SHPRH: variants seen among roughly 807,000 people sequenced by gnomAD.
SHPRH encodes the protein SNF2 histone linker PHD RING helicase.
A neutral mutation model predicts 202.5 loss-of-function variants in SHPRH; 106 were observed. That is an observed-to-expected ratio of 0.52 (90% confidence interval 0.45 to 0.62). The LOEUF is 0.62. Among genes scored for constraint, SHPRH ranks in the 20% least tolerant of loss-of-function variants. SHPRH has a pLI of 0.00. For synonymous variants in SHPRH, 729 were observed against 686.0 expected, an observed-to-expected ratio of 1.06 and a Z score of -0.98; for missense variants, 1,710 against 2,020.0, an observed-to-expected ratio of 0.85 and a Z score of 2.94.
chr6:145,951,612 C>T (rs1207891185), intron 3 of SHPRH, among the ~76,000 whole-genome samples: 7 of 151,994 alleles, frequency 4.6e-5, no homozygotes, highest in African/African-American at 1.2e-4. Context: ...CTTCTAATCC[C>T]GAAACCAGAG....
intron 25 of SHPRH, chr6:145,909,604 A>G (rs966261040): frequency 1.3e-5 from 2 of 152,126 alleles, no homozygotes; most frequent in African/African-American, 4.8e-5. Flanking sequence ...AAAACACATT[A>G]CTTAAAAGTG....
intron 11 of SHPRH, among the ~76,000 whole-genome samples, chr6:145,940,311 T>C (rs1280810867): frequency 6.6e-6 from 1 of 152,090 alleles, no homozygotes; most frequent in East Asian, 1.9e-4. Flanking sequence ...ATAGTCTCCA[T>C]TTTCATAGAC....
intron 16 of SHPRH, 134 bp from the exon 17 acceptor site, chr6:145,924,980 C>A (rs776491432): frequency 1.3e-5 from 7 of 528,436 alleles, no homozygotes; most frequent in African/African-American, 3.9e-5. Context: ...TCCAAGTATA[C>A]TGTAGAGAAC....
chr6:145,927,354 T>A, intron 14 of SHPRH, 77 bp from the exon 15 acceptor site: 6 of 1,228,472 alleles, frequency 4.9e-6, no homozygotes, highest in Non-Finnish European at 6.9e-6. Context: ...GTCCATTATT[T>A]AAGAATACTG....
At chr6:145,951,316 A>C (rs1182213667) in intron 3 of SHPRH, among the ~76,000 whole-genome samples, 1 of 152,120 alleles carries the variant, frequency 6.6e-6, no homozygotes, top group Non-Finnish European at 1.5e-5. Flanking sequence ...AAAGAGGCCT[A>C]TATACTTTTA....
rs576469930 is a variant in SHPRH at position 145,892,356 on chromosome 6, C to A, written c.4874+859G>T. Among the ~76,000 whole-genome samples the A allele has an allele frequency of 3.9e-5, 6 of 152,244 alleles. No individual in the cohort carries two copies. The South Asian group carries it at 1.2e-3, about 32-fold the overall frequency. ...GTAGGGCCCGAGTGATCATTATCTTCTTTTGTTAACACAGTCCTTTTATTA... is the reference window on the plus strand; with the variant it reads ...GTAGGGCCCGAGTGATCATTATCTTATTTTGTTAACACAGTCCTTTTATTA... On this transcript the variant is annotated intron_variant, in intron 28 of 29. Transcript: ENST00000275233.
At position 145,925,369 on chromosome 6, in the gene SHPRH, C is replaced by CAT. The variant is rs1554235252; in HGVS notation, c.3295-525_3295-524dup. On this transcript the variant is annotated intron_variant, in intron 16 of 29. Transcript: ENST00000275233. ...ACACACACACACACACACACACACA[C>CAT]ATGCATGCAATAAAAATAAAGAGGT... 6.6e-3 allele frequency among the ~76,000 whole-genome samples: 981 copies of CAT among 149,066 alleles called. 7 individuals carry two copies. Among genetic ancestry groups the CAT allele is most frequent in the Non-Finnish European group, 9.2e-3 (620 of 67,630 alleles).
intron 24 of SHPRH, among the ~76,000 whole-genome samples, chr6:145,912,083 GAGA>G (rs1240257594): frequency 6.6e-6 from 1 of 151,160 alleles, no homozygotes; most frequent in Non-Finnish European, 1.5e-5. Context: ...ATGTGCAATG[GAGA>G]AGAAGCAACG....
intron 2 of SHPRH, among the ~76,000 whole-genome samples, chr6:145,874,933 C>T (rs1583266324): frequency 6.6e-6 from 1 of 152,122 alleles, no homozygotes; most frequent in Non-Finnish European, 1.5e-5. Context: ...TTAAACATAT[C>T]GATTTTTTTC....
At chr6:145,959,294 C>A (rs1422815071) in intron 1 of SHPRH, among the ~76,000 whole-genome samples, 1 of 152,186 alleles carries the variant, frequency 6.6e-6, no homozygotes, top group Non-Finnish European at 1.5e-5. Context: ...AAGTACCCCA[C>A]AAAGGTGTAC....
intron 10 of SHPRH, 62 bp downstream of exon 10, chr6:145,941,561 G>T (rs9285508): frequency 0.74 from 1,172,793 of 1,587,258 alleles, 436,477 homozygotes; most frequent in African/African-American, 0.93. Context: ...ACTACTCAAG[G>T]TCCCCTAATT....
intron 13 of SHPRH, among the ~76,000 whole-genome samples, chr6:145,933,692 A>G (rs1554238963): frequency 1.3e-5 from 2 of 152,224 alleles, no homozygotes; most frequent in Non-Finnish European, 2.9e-5. Context: ...TGTTCACTTC[A>G]TATTTTAGAA....
At chr6:145,938,713 T>C (rs972326055) in intron 11 of SHPRH, among the ~76,000 whole-genome samples, 2 of 152,128 alleles carry the variant, frequency 1.3e-5, no homozygotes, top group African/African-American at 2.4e-5. Flanking sequence ...ATAAGAAAAA[T>C]AAGGACTTAA....
At chr6:145,955,387 C>T (rs1788404000) in intron 1 of SHPRH, 33 bp from the exon 2 acceptor site, 2 of 1,515,320 alleles carry the variant, frequency 1.3e-6, no homozygotes, top group Non-Finnish European at 1.8e-6. Context: ...GGAGGTATAA[C>T]AAGAGATGAT....
intron 25 of SHPRH, chr6:145,905,753 T>G (rs17075465): frequency 6.6e-6 from 1 of 152,064 alleles, no homozygotes; most frequent in Non-Finnish European, 1.5e-5. Context: ...CAGGGCTGAC[T>G]GTAAAATGTA....
At chr6:145,898,909 G>A (rs913569321) in intron 25 of SHPRH, among the ~76,000 whole-genome samples, 4 of 151,972 alleles carry the variant, frequency 2.6e-5, no homozygotes, top group South Asian at 2.1e-4. Context: ...ACTCCTGGGC[G>A]CAAGTGATCC....
rs777363228 is a variant in SHPRH at position 145,945,540 on chromosome 6, T to C, written c.1419A>G (p.Arg473=). Residue 473 remains arginine, a synonymous_variant, in exon 8 of 30, where the codon AGA becomes AGG. Transcript: ENST00000275233. ...SIYKYVSSIY[R]YDVQRNRSLL... is the part of the protein sequence containing the mutation. ...GACTCCTGTTCCGTTGAACATCGTATCTATATATAGAACTGACATACTTAT... is the reference window on the plus strand; with the variant it reads ...GACTCCTGTTCCGTTGAACATCGTACCTATATATAGAACTGACATACTTAT... The C allele has an allele frequency of 6.2e-7, 1 of 1,613,262 alleles. No individual in the cohort carries two copies. Among genetic ancestry groups the C allele is most frequent in the Non-Finnish European group, 8.5e-7 (1 of 1,179,584 alleles).
At chr6:145,958,864 C>T in intron 1 of SHPRH, among the ~76,000 whole-genome samples, 1 of 152,090 alleles carries the variant, frequency 6.6e-6, no homozygotes, top group Middle Eastern at 3.2e-3. Context: ...GATAGAGACT[C>T]ACTCTGTTGC....
intron 11 of SHPRH, among the ~76,000 whole-genome samples, chr6:145,940,370 A>AC (rs1426525222): frequency 7.0e-3 from 336 of 47,690 alleles, no homozygotes; most frequent in Middle Eastern, 0.031. Flanking sequence ...GCCTCTCCCC[A>AC]CCCCCCCCAC....
Sources: gnomAD v4.1 joint callset for allele counts (sites outside exome capture counted in the v4.1 genomes callset) on GRCh38, gnomAD v4.1.1 for gene constraint, MANE v1.5 for transcripts, NCBI Gene and HGNC (gene_info 2026-07-23, HGNC 2026-07-21) for gene names.